TNRC6B: variants seen among roughly 807,000 people sequenced by gnomAD.
The protein encoded by TNRC6B is trinucleotide repeat-containing gene 6B protein.
Under a neutral mutation model 203.6 loss-of-function variants are expected in TNRC6B, and 52 were observed. The ratio of observed to expected loss-of-function variants is 0.26; its 90% CI spans 0.20 to 0.32. The LOEUF is 0.32. Ranked by LOEUF, TNRC6B falls within the 10% of genes least tolerant of loss-of-function variation. TNRC6B has a pLI of 1.00. For synonymous variants in TNRC6B, 838 were observed against 845.7 expected (o/e 0.99, Z 0.16); for missense variants, 1,923 against 2,286.2 (o/e 0.84, Z 3.24).
chr22:40,162,591 A>G (rs4820407), intron 4 of TNRC6B, among the ~76,000 whole-genome samples: 103,220 of 152,104 alleles, frequency 0.68, 36,793 homozygotes, highest in African/African-American at 0.9. Context: ...GTATTTGGCC[A>G]TAGGAAAGTT....
At chr22:40,187,787 C>T (rs1882060862) in intron 1 of TNRC6B, among the ~76,000 whole-genome samples, 2 of 152,160 alleles carry the variant, frequency 1.3e-5, no homozygotes, top group Non-Finnish European at 2.9e-5. Context: ...CAATTGAACG[C>T]ATATTTACTA....
At chr22:40,261,383 C>T (rs1355381670) in intron 3 of TNRC6B, among the ~76,000 whole-genome samples, 1 of 152,114 alleles carries the variant, frequency 6.6e-6, no homozygotes, top group African/African-American at 2.4e-5. Flanking sequence ...TCAAGACCAG[C>T]CTGGTCAACA....
chr22:40,147,185 A>G (rs1296382168), intron 3 of TNRC6B, among the ~76,000 whole-genome samples: 5 of 142,286 alleles, frequency 3.5e-5, no homozygotes, highest in Admixed American at 3.4e-4. Flanking sequence ...TAAGTGAAAC[A>G]AACTAGTGAC....
chr22:40,099,443 C>T (rs1278061853), intron 1 of TNRC6B, among the ~76,000 whole-genome samples: 1 of 151,978 alleles, frequency 6.6e-6, no homozygotes, highest in Non-Finnish European at 1.5e-5. Context: ...CCTTGACTAC[C>T]TAGAGCCTCA....
At chr22:40,278,683 CA>C (rs1230092365) in intron 9 of TNRC6B, among the ~76,000 whole-genome samples, 1 of 151,998 alleles carries the variant, frequency 6.6e-6, no homozygotes, top group Non-Finnish European at 1.5e-5. Flanking sequence ...TGAGCTATGA[CA>C]AGTCTTTCAG....
In TNRC6B at chr22:40,194,757, C is replaced by T. The variant is rs142202860; in HGVS notation, c.5+16617C>T. ...AGCTTCTGTGTTTACTTGTCCTCCC[C>T]CCACCAATAGAGAAGAAAAGCCAGA... On this transcript the variant is annotated intron_variant, in intron 1 of 22. Transcript: ENST00000454349. Among the ~76,000 whole-genome samples, 1,197 of 152,330 alleles carry T rather than the reference C, an allele frequency of 7.9e-3. 11 individuals are homozygous for T. Among genetic ancestry groups the T allele is most frequent in the Non-Finnish European group, 0.012 (834 of 68,026 alleles).
In TNRC6B at chr22:40,273,462, C is replaced by T. The variant is rs370055398; in HGVS notation, c.3003C>T (p.Asp1001=). The change falls in exon 7 of 23, where the codon GAC becomes GAT. Residue 1001 remains aspartate (D), a synonymous_variant. Coordinates refer to ENST00000454349, the MANE Select transcript of TNRC6B (RefSeq NM_001162501.2). ...TGCAAGACGGCTGGGGGGAGAGTGA[C>T]GGGCCAGTCACAGGAGCTCGCCATC... ...KSMQDGWGES[D]GPVTGARHPS... is the part of the protein sequence containing the mutation. The T allele has an allele frequency of 1.4e-5, 22 of 1,610,010 alleles. No homozygotes were observed. Among genetic ancestry groups the T allele is most frequent in the Middle Eastern group, 1.6e-4 (1 of 6,084 alleles).
chr22:40,197,622 G>A (rs1479479393), intron 1 of TNRC6B, among the ~76,000 whole-genome samples: 1 of 116,988 alleles, frequency 8.5e-6, no homozygotes, highest in Non-Finnish European at 1.8e-5. Context: ...TTTTTTTTTT[G>A]AGACAAGTCT....
chr22:40,136,296 AT>A (rs2146333896), intron 3 of TNRC6B, among the ~76,000 whole-genome samples: 1 of 152,160 alleles, frequency 6.6e-6, no homozygotes, highest in East Asian at 1.9e-4. Flanking sequence ...TAAAACAGAT[AT>A]AGTAAAATTT....
At chr22:40,257,664 C>T (rs1426356152) in intron 3 of TNRC6B, among the ~76,000 whole-genome samples, 9 of 150,374 alleles carry the variant, frequency 6.0e-5, no homozygotes, top group Non-Finnish European at 1.3e-4. Flanking sequence ...TGCAGAGAGC[C>T]GAGATCACGC....
At chr22:40,237,182 C>T (rs1232719936) in intron 1 of TNRC6B, among the ~76,000 whole-genome samples, 1 of 152,094 alleles carries the variant, frequency 6.6e-6, no homozygotes, top group Non-Finnish European at 1.5e-5. Flanking sequence ...GATCTCTAAC[C>T]TGGATTATCA....
At chr22:40,145,152 G>A (rs2068681856) in intron 3 of TNRC6B, among the ~76,000 whole-genome samples, 1 of 151,962 alleles carries the variant, frequency 6.6e-6, no homozygotes, top group Non-Finnish European at 1.5e-5. Flanking sequence ...AGGCTAAGGT[G>A]GGAGAATCAC....
At chr22:40,159,366 G>A (rs1039424239) in intron 4 of TNRC6B, among the ~76,000 whole-genome samples, 14 of 150,258 alleles carry the variant, frequency 9.3e-5, no homozygotes, top group Admixed American at 4.7e-4. Flanking sequence ...CTGGCCAGGC[G>A]CGGTGGCTCA....
upstream of TNRC6B, among the ~76,000 whole-genome samples, chr22:40,176,942 C>T (rs532545982): frequency 2.1e-4 from 32 of 152,166 alleles, no homozygotes; most frequent in African/African-American, 7.7e-4. Context: ...CTAGGGAAGC[C>T]CAATCTCCGC....
intron 3 of TNRC6B, among the ~76,000 whole-genome samples, chr22:40,256,679 C>T (rs1356970010): frequency 6.6e-6 from 1 of 152,152 alleles, no homozygotes; most frequent in East Asian, 1.9e-4. Flanking sequence ...TGATGAAGAC[C>T]ATATGGCCAG....
intron 1 of TNRC6B, among the ~76,000 whole-genome samples, chr22:40,069,250 C>T (rs1220571018): frequency 6.6e-6 from 1 of 151,752 alleles, no homozygotes; most frequent in African/African-American, 2.4e-5. Flanking sequence ...CACAGGTGCA[C>T]ACTACCAGGT....
At position 40,325,249 on chromosome 22, in the gene TNRC6B, C is replaced by G. The variant is rs2071387635; in HGVS notation, c.*2008C>G. On this transcript the variant is annotated 3_prime_UTR_variant, in exon 23 of 23. Coordinates refer to ENST00000454349, the MANE Select transcript of TNRC6B (RefSeq NM_001162501.2). ...AGCGTCTTCAGTGAAGGATACAATA[C>G]AACAATGCCTAATGTATTTGACTTT... 6.6e-6 allele frequency: 1 copy of G among 152,626 alleles called. No homozygotes were observed. The highest frequency in any genetic ancestry group is 2.1e-4 in the South Asian group (1 of 4,828). 9.5% of individuals were successfully genotyped at this position (152,626 alleles called of 1,614,324 possible).
chr22:40,217,905 A>G (rs2069655980), intron 1 of TNRC6B, among the ~76,000 whole-genome samples: 1 of 149,332 alleles, frequency 6.7e-6, no homozygotes, highest in South Asian at 2.1e-4. Context: ...AACCTGGAGC[A>G]GAGGTTGCAG....
intron 1 of TNRC6B, among the ~76,000 whole-genome samples, chr22:40,184,869 G>A (rs1239200483): frequency 6.6e-6 from 1 of 152,170 alleles, no homozygotes; most frequent in African/African-American, 2.4e-5. Flanking sequence ...CAGGTGTGGG[G>A]TTGAGATTAT....
Sources: gnomAD v4.1 joint callset for allele counts (sites outside exome capture counted in the v4.1 genomes callset) on GRCh38, gnomAD v4.1.1 for gene constraint, MANE v1.5 for transcripts, NCBI Gene and HGNC (gene_info 2026-07-23, HGNC 2026-07-21) for gene names.